NCALD: variants seen among roughly 807,000 people sequenced by gnomAD.
The protein encoded by NCALD is neurocalcin-delta.
A neutral mutation model predicts 18.6 loss-of-function variants in NCALD; 10 were observed. The ratio of observed to expected loss-of-function variants is 0.54; its 90% CI spans 0.33 to 0.91. NCALD has a LOEUF of 0.91. Ranked by LOEUF, NCALD falls within the 40% of genes least tolerant of loss-of-function variation. The pLI is 0.03. For synonymous variants in NCALD, 88 were observed against 87.4 expected, an observed-to-expected ratio of 1.01 and a Z score of -0.04; for missense variants, 184 against 247.6, an observed-to-expected ratio of 0.74 and a Z score of 1.72.
At position 101,711,366 on chromosome 8, in the gene NCALD, C is replaced by G. The variant is rs551333354; in HGVS notation, c.378+7886G>C. Among the ~76,000 whole-genome samples, 9 of 152,208 alleles carry G rather than the reference C, an allele frequency of 5.9e-5. No individual in the cohort carries two copies. The South Asian group carries it at 1.9e-3, about 32-fold the overall frequency. ...AAAAACCAGAATGCCTCTTATCCTTCAATGGATCACAACCCCTCGCGGGCA... is the reference window on the plus strand; with the variant it reads ...AAAAACCAGAATGCCTCTTATCCTTGAATGGATCACAACCCCTCGCGGGCA... On this transcript the variant is annotated intron_variant, in intron 2 of 3. Transcript: ENST00000220931.
chr8:101,958,713 G>C (rs1819728092), intron 2 of NCALD, among the ~76,000 whole-genome samples: 1 of 152,078 alleles, frequency 6.6e-6, no homozygotes, highest in African/African-American at 2.4e-5. Context: ...CTCACCCAAG[G>C]ACACTCAGAA....
chr8:101,743,287 C>T (rs1810291352), intron 1 of NCALD, among the ~76,000 whole-genome samples: 1 of 151,812 alleles, frequency 6.6e-6, no homozygotes, highest in African/African-American at 2.4e-5. Context: ...AGGTCCAAAG[C>T]ATGATATGGG....
In NCALD at chr8:101,903,612, T is replaced by C. The variant is rs116316065; in HGVS notation, c.-107+12197A>G. 7.4e-3 allele frequency among the ~76,000 whole-genome samples: 1,127 copies of C among 152,166 alleles called. 8 individuals carry two copies. The highest frequency in any genetic ancestry group is 0.026 in the African/African-American group (1,067 of 41,520). ...CTGGAGGTGGAGCCACTGAAGAGCT[T>C]CCCTGGGTAGACAGCACTCCTCCAC... On this transcript the variant is annotated intron_variant, in intron 3 of 6. Transcript: ENST00000311028.
At chr8:101,948,019 T>C (rs894557061) in intron 2 of NCALD, among the ~76,000 whole-genome samples, 2 of 152,232 alleles carry the variant, frequency 1.3e-5, no homozygotes, top group Non-Finnish European at 1.5e-5. Flanking sequence ...TGGCCAGTCT[T>C]GGAAGCCAAG....
chr8:101,949,228 A>G (rs1449374090), intron 2 of NCALD, among the ~76,000 whole-genome samples: 1 of 152,194 alleles, frequency 6.6e-6, no homozygotes, highest in African/African-American at 2.4e-5. Flanking sequence ...CCTGTGAGGA[A>G]AGAGAGCTGT....
At chr8:102,116,167 T>C (rs922835676) in intron 1 of NCALD, among the ~76,000 whole-genome samples, 1 of 151,962 alleles carries the variant, frequency 6.6e-6, no homozygotes, top group Non-Finnish European at 1.5e-5. Flanking sequence ...AAATGATGAG[T>C]TAATGGGTGC....
chr8:102,027,320 G>A (rs1056337229), intron 1 of NCALD, among the ~76,000 whole-genome samples: 4 of 152,184 alleles, frequency 2.6e-5, no homozygotes, highest in Non-Finnish European at 4.4e-5. Flanking sequence ...TTGCCACTTA[G>A]AAATTTCTTC....
intron 1 of NCALD, among the ~76,000 whole-genome samples, chr8:101,783,611 G>A (rs1812105258): frequency 6.6e-6 from 1 of 152,112 alleles, no homozygotes; most frequent in African/African-American, 2.4e-5. Flanking sequence ...TATGGGAGAG[G>A]GAGACAAAGT....
At chr8:102,046,242 G>A (rs1823234246) in intron 1 of NCALD, among the ~76,000 whole-genome samples, 1 of 152,148 alleles carries the variant, frequency 6.6e-6, no homozygotes, top group African/African-American at 2.4e-5. Flanking sequence ...AACTCAGCCT[G>A]TTGCCAAGAT....
At chr8:101,895,286 A>G (rs1405142647) in intron 3 of NCALD, among the ~76,000 whole-genome samples, 1 of 124,502 alleles carries the variant, frequency 8.0e-6, no homozygotes, top group South Asian at 2.4e-4. Context: ...CAATAGATGG[A>G]GAAAAAGCCT....
At chr8:101,820,444 G>T (rs1249934075) in intron 4 of NCALD, among the ~76,000 whole-genome samples, 1 of 152,138 alleles carries the variant, frequency 6.6e-6, no homozygotes, top group African/African-American at 2.4e-5. Context: ...ATCGATTAAT[G>T]AATGAATAAA....
chr8:101,820,979 A>C (rs987549693), intron 4 of NCALD, among the ~76,000 whole-genome samples: 1 of 152,218 alleles, frequency 6.6e-6, no homozygotes, highest in African/African-American at 2.4e-5. Context: ...TAAGTAAATC[A>C]AAACATGAAG....
chr8:101,949,070 T>G (rs1007933478), intron 2 of NCALD, among the ~76,000 whole-genome samples: 2 of 152,144 alleles, frequency 1.3e-5, no homozygotes, highest in Non-Finnish European at 2.9e-5. Context: ...TTCCAAGTAA[T>G]AAAAAGTGCA....
rs1373876816 is a variant in NCALD at position 101,688,807 on chromosome 8, T to C, written c.*502A>G. On this transcript the variant is annotated 3_prime_UTR_variant, in exon 4 of 4. Coordinates refer to ENST00000220931, the MANE Select transcript of NCALD (RefSeq NM_032041.3). The stretch of plus-strand genomic sequence containing the variant: ...GGGAGTGGGCCCCCATGGGGAAATG[T>C]CCCAGCTCGCTGGAATAGCCTCACC... The C allele has an allele frequency of 6.5e-6, 4 of 620,038 alleles. No homozygotes were observed. Among genetic ancestry groups the C allele is most frequent in the African/African-American group, 3.6e-5 (2 of 55,316 alleles). 38.4% of individuals were successfully genotyped at this position (620,038 alleles called of 1,614,324 possible). A position where few individuals can be genotyped will look rare whatever the true frequency, so the allele number is the denominator to read the frequency against.
chr8:102,118,838 C>G (rs1355896230), intron 1 of NCALD, among the ~76,000 whole-genome samples: 1 of 152,182 alleles, frequency 6.6e-6, no homozygotes, highest in East Asian at 1.9e-4. Flanking sequence ...AGTTTAAACT[C>G]TACCACTATT....
intron 4 of NCALD, among the ~76,000 whole-genome samples, chr8:101,877,958 A>G (rs189029743): frequency 3.9e-5 from 6 of 152,332 alleles, no homozygotes; most frequent in Admixed American, 3.3e-4. Context: ...TATATTTCAG[A>G]GGAAGCCACT....
intron 3 of NCALD, among the ~76,000 whole-genome samples, chr8:101,906,684 C>A (rs1817621999): frequency 6.6e-6 from 1 of 152,166 alleles, no homozygotes; most frequent in South Asian, 2.1e-4. Flanking sequence ...TTGGTATAGT[C>A]TTTTCATGAG....
At chr8:101,737,452 G>A (rs969559322) in intron 1 of NCALD, among the ~76,000 whole-genome samples, 9 of 152,038 alleles carry the variant, frequency 5.9e-5, no homozygotes, top group Admixed American at 3.9e-4. Context: ...AATCTTCCAC[G>A]GTTCCCTACT....
intron 2 of NCALD, among the ~76,000 whole-genome samples, chr8:101,968,095 G>A (rs183282481): frequency 7.1e-4 from 108 of 152,232 alleles, no homozygotes; most frequent in African/African-American, 2.2e-3. Flanking sequence ...ATAATAATAA[G>A]TTTTGGAGAG....
Sources: gnomAD v4.1 joint callset for allele counts (sites outside exome capture counted in the v4.1 genomes callset) on GRCh38, gnomAD v4.1.1 for gene constraint, MANE v1.5 for transcripts, NCBI Gene and HGNC (gene_info 2026-07-23, HGNC 2026-07-21) for gene names.